The following DIAPH2 variants were observed in gnomAD, a reference collection of about 807,000 sequenced individuals.
DIAPH2 encodes diaphanous related formin 2, also known as protein diaphanous homolog 2.
In DIAPH2, 35 loss-of-function variants were observed where a neutral mutation model predicts 92.7. The observed-to-expected ratio is 0.38, with a 90% CI of 0.29 to 0.50. The LOEUF is 0.50. Ranked by LOEUF, DIAPH2 falls within the 20% of genes least tolerant of loss-of-function variation. DIAPH2 has a pLI of 0.94. For synonymous variants in DIAPH2, 301 were observed against 280.4 expected (o/e 1.07, Z -0.73); for missense variants, 701 against 819.5 (o/e 0.86, Z 1.77).
chrX:97,074,614 A>G (rs1022354712), intron 18 of DIAPH2, among the ~76,000 whole-genome samples: 1 of 112,119 alleles, frequency 8.9e-6, no homozygotes, highest in African/African-American at 3.2e-5. Context: ...TTGTGAGTCA[A>G]TATATAAAGT....
rs958501285 is a variant in DIAPH2 at position 97,075,055 on chromosome X, A to G, written c.2153-112A>G. 1.3e-5 allele frequency: 6 copies of G among 447,212 alleles called. No individual in the cohort carries two copies. In the African/African-American group the frequency reaches 1.5e-4, roughly 11 times the overall value. 36.9% of individuals were successfully genotyped at this position (447,212 alleles called of 1,213,427 possible). A position where few individuals can be genotyped will look rare whatever the true frequency, so the allele number is the denominator to read the frequency against. ...AACTTTTGTTTGTTCATAATTCTGTATATTAGTGACAAATTTCATATTTTG... is the reference window on the plus strand; with the variant it reads ...AACTTTTGTTTGTTCATAATTCTGTGTATTAGTGACAAATTTCATATTTTG... On this transcript the variant is annotated intron_variant, in intron 18 of 26. Coordinates refer to ENST00000324765, the MANE Select transcript of DIAPH2 (RefSeq NM_006729.5).
intron 23 of DIAPH2, among the ~76,000 whole-genome samples, chrX:97,309,346 C>T (rs939082073): frequency 1.8e-5 from 2 of 110,808 alleles, no homozygotes. Flanking sequence ...GGTGATCCGC[C>T]CACCTCAGCC....
At chrX:97,301,010 A>T (rs1297677883) in intron 23 of DIAPH2, among the ~76,000 whole-genome samples, 1 of 93,355 alleles carries the variant, frequency 1.1e-5, no homozygotes, top group Non-Finnish European at 2.1e-5. Context: ...AATTGTGAAA[A>T]TTTAAGTAAT....
chrX:96,888,667 A>C (rs2065286641), intron 5 of DIAPH2, among the ~76,000 whole-genome samples: 1 of 103,001 alleles, frequency 9.7e-6, no homozygotes, highest in Non-Finnish European at 2.0e-5. Context: ...ATGTATATAC[A>C]GATATATATA....
chrX:97,203,812 C>T (rs1261012063), intron 22 of DIAPH2, among the ~76,000 whole-genome samples: 3 of 111,874 alleles, frequency 2.7e-5, no homozygotes, highest in Admixed American at 1.9e-4. Flanking sequence ...TCCTCCCTAA[C>T]TCATATTATG....
intron 26 of DIAPH2, among the ~76,000 whole-genome samples, chrX:97,436,476 G>T (rs1358547549): frequency 8.9e-6 from 1 of 111,929 alleles, no homozygotes; most frequent in African/African-American, 3.2e-5. Flanking sequence ...GTGTCAGCAA[G>T]ATAACAGTAT....
At chrX:97,026,939 G>A (rs1473845862) in intron 17 of DIAPH2, among the ~76,000 whole-genome samples, 2 of 111,756 alleles carry the variant, frequency 1.8e-5, no homozygotes, top group Non-Finnish European at 3.8e-5. Context: ...AAAAACAGGT[G>A]ATTCTAATCA....
At chrX:97,437,475 A>G (rs1315791321) in intron 26 of DIAPH2, among the ~76,000 whole-genome samples, 1 of 110,973 alleles carries the variant, frequency 9.0e-6, no homozygotes, top group Non-Finnish European at 1.9e-5. Flanking sequence ...CTCATGGGAA[A>G]GACATATGAT....
intron 4 of DIAPH2, among the ~76,000 whole-genome samples, chrX:96,765,478 C>T (rs1437217292): frequency 6.3e-5 from 7 of 111,339 alleles, no homozygotes; most frequent in Non-Finnish European, 1.3e-4. Context: ...AGATTACAGG[C>T]GTGAGCCACC....
At chrX:97,066,015 C>T (rs1469552959) in intron 17 of DIAPH2, among the ~76,000 whole-genome samples, 2 of 111,792 alleles carry the variant, frequency 1.8e-5, no homozygotes, top group Non-Finnish European at 3.8e-5. Context: ...AGTGTGATTA[C>T]AAGAGTCAAA....
intron 16 of DIAPH2, 76 bp downstream of exon 16, chrX:96,958,224 T>G: frequency 9.4e-7 from 1 of 1,065,243 alleles, no homozygotes; most frequent in Non-Finnish European, 1.2e-6. Flanking sequence ...TTGTATAATG[T>G]TTGAGAGTAT....
At chrX:97,325,273 G>C (rs1246692357) in intron 23 of DIAPH2, among the ~76,000 whole-genome samples, 1 of 111,888 alleles carries the variant, frequency 8.9e-6, no homozygotes, top group East Asian at 2.8e-4. Flanking sequence ...TATGTCTGAT[G>C]AGTGCAATCT....
rs764548603 is a variant in DIAPH2, at chrX:97,456,318, C to A, written c.3241+26573C>A. 4.6e-5 allele frequency among the ~76,000 whole-genome samples: 5 copies of A among 108,816 alleles called. No individual in the cohort carries two copies. The South Asian group carries it at 2.1e-3, about 45-fold the overall frequency. 94.5% of individuals were successfully genotyped at this position (108,816 alleles called of 115,157 possible). A position where few individuals can be genotyped will look rare whatever the true frequency, so the allele number is the denominator to read the frequency against. ...AGGAGAGTGGCGTGAACCTGGGAGG[C>A]GGAGCTTGCAGTGAGCCGAGATCGC... is the stretch of plus-strand genomic sequence containing the variant. On this transcript the variant is annotated intron_variant, in intron 26 of 26. Coordinates refer to ENST00000324765, the MANE Select transcript of DIAPH2 (RefSeq NM_006729.5).
intron 3 of DIAPH2, among the ~76,000 whole-genome samples, chrX:96,745,982 C>T (rs1162866118): frequency 8.9e-6 from 1 of 111,900 alleles, no homozygotes; most frequent in Non-Finnish European, 1.9e-5. Flanking sequence ...TCACAGCAGC[C>T]TCAAACTCCT....
At chrX:97,150,036 A>G (rs1311571706) in intron 22 of DIAPH2, among the ~76,000 whole-genome samples, 1 of 110,822 alleles carries the variant, frequency 9.0e-6, no homozygotes, top group Non-Finnish European at 1.9e-5. Flanking sequence ...TTTTGGTAAG[A>G]ACACTTAACA....
intron 22 of DIAPH2, among the ~76,000 whole-genome samples, chrX:97,234,380 A>G (rs1157934270): frequency 9.2e-6 from 1 of 108,115 alleles, no homozygotes; most frequent in African/African-American, 3.4e-5. Context: ...CTGGTGGTGT[A>G]TACCTAGGCA....
intron 23 of DIAPH2, among the ~76,000 whole-genome samples, chrX:97,267,399 G>C (rs2068346524): frequency 9.0e-6 from 1 of 111,378 alleles, no homozygotes; most frequent in South Asian, 3.8e-4. Context: ...AAAAACATTA[G>C]CTTACTTAGG....
intron 25 of DIAPH2, among the ~76,000 whole-genome samples, chrX:97,429,098 C>A (rs757760266): frequency 3.6e-5 from 4 of 111,605 alleles, no homozygotes; most frequent in Non-Finnish European, 5.6e-5. Flanking sequence ...AATGTGGTCA[C>A]CTTTTTCTTT....
intron 23 of DIAPH2, among the ~76,000 whole-genome samples, chrX:97,336,267 C>T (rs1409288998): frequency 9.2e-5 from 8 of 86,956 alleles, no homozygotes; most frequent in East Asian, 3.6e-4. Flanking sequence ...TTTTTTGAGA[C>T]GGAGTCTCGC....
Sources: allele counts gnomAD v4.1 joint callset (sites outside exome capture counted in the v4.1 genomes callset), GRCh38; gene constraint gnomAD v4.1.1; transcripts MANE v1.5; gene names NCBI Gene and HGNC (gene_info 2026-07-23, HGNC 2026-07-21).